Variants in ZFAT observed in about 807,000 individuals in gnomAD.
ZFAT encodes zinc finger and AT-hook domain containing.
ZFAT carries 64 observed loss-of-function variants against 117.7 expected under a neutral mutation model. The observed-to-expected ratio is 0.54, with a 90% CI of 0.44 to 0.67. ZFAT has a LOEUF of 0.67. Among genes scored for constraint, ZFAT ranks in the 30% least tolerant of loss-of-function variants. ZFAT has a pLI of 0.00. For missense variants in ZFAT, 1,433 were observed against 1,584.5 expected (o/e 0.90, Z 1.62); for synonymous variants, 679 against 615.0 (o/e 1.10, Z -1.54).
At chr8:134,700,900 T>C (rs1833992861) in intron 1 of ZFAT, among the ~76,000 whole-genome samples, 1 of 152,086 alleles carries the variant, frequency 6.6e-6, no homozygotes, top group African/African-American at 2.4e-5. Flanking sequence ...AGAGACAGGG[T>C]TGTGTCGCCA....
intron 2 of ZFAT, among the ~76,000 whole-genome samples, chr8:134,653,287 A>AAAAAT (rs1168663073): frequency 7.5e-4 from 87 of 116,214 alleles, no homozygotes; most frequent in Non-Finnish European, 9.4e-4. Flanking sequence ...AAAAAAAAAA[A>AAAAAT]AAAACAAAAA....
chr8:134,689,291 C>T (rs532190548), intron 1 of ZFAT, among the ~76,000 whole-genome samples: 35 of 152,352 alleles, frequency 2.3e-4, no homozygotes, highest in African/African-American at 7.5e-4. Context: ...ATAAATTTGG[C>T]CGCAAAGCAC....
intron 10 of ZFAT, among the ~76,000 whole-genome samples, chr8:134,582,029 T>C (rs1303374083): frequency 6.6e-6 from 1 of 152,176 alleles, no homozygotes; most frequent in Non-Finnish European, 1.5e-5. Flanking sequence ...TAGAAAATAC[T>C]TCATAATGTT....
Position 134,601,662 on chromosome 8 carries a change from G to A in ZFAT, c.2057C>T (p.Pro686Leu), listed in dbSNP as rs748045570. Residue 686 changes from proline to leucine, a missense_variant, in exon 6 of 16, where the codon CCT (proline) becomes CTT (leucine). Pro to Leu is a moderately conservative substitution (Grantham distance 98). Transcript: ENST00000377838. ...SNPAEASDLL[P>L]PVAGGGDTIT... Reference sequence around the variant, plus strand: ...GGTGTCCCCACCACCAGCTACTGGAGGGAGGAGGTCTGAGGCCTCAGCTGG... The same window carrying A: ...GGTGTCCCCACCACCAGCTACTGGAAGGAGGAGGTCTGAGGCCTCAGCTGG... The A allele has an allele frequency of 2.5e-6, 4 of 1,614,056 alleles. No homozygotes were observed. The highest frequency in any genetic ancestry group is 3.4e-6 in the Non-Finnish European group (4 of 1,180,034).
At chr8:134,654,512 A>G (rs1288765965) in intron 2 of ZFAT, among the ~76,000 whole-genome samples, 3 of 152,142 alleles carry the variant, frequency 2.0e-5, no homozygotes, top group Non-Finnish European at 4.4e-5. Flanking sequence ...CTGTTCGGCT[A>G]TAGAAGGAGC....
the ZFAT span, among the ~76,000 whole-genome samples, chr8:134,761,288 T>C: frequency 2.0e-5 from 3 of 151,864 alleles, no homozygotes; most frequent in South Asian, 2.1e-4. Context: ...GAGGGTATGA[T>C]GGGAGGGAAG....
At position 134,572,690 on chromosome 8, in the gene ZFAT, G is replaced by A. The variant is rs571223952; in HGVS notation, c.2888-7269C>T. 1.6e-4 allele frequency among the ~76,000 whole-genome samples: 24 copies of A among 152,142 alleles called. No individual in the cohort carries two copies. The South Asian group carries it at 4.8e-3, about 30-fold the overall frequency. ...TCTGTAAGCAGTCAAATGTCATTCTGAGCCACACCTTGTAAATAAGGACAA... is the reference window on the plus strand; with the variant it reads ...TCTGTAAGCAGTCAAATGTCATTCTAAGCCACACCTTGTAAATAAGGACAA... On this transcript the variant is annotated intron_variant, in intron 10 of 15. Coordinates refer to ENST00000377838, the MANE Select transcript of ZFAT (RefSeq NM_020863.4).
At chr8:134,497,214 T>C (rs757781334) in intron 15 of ZFAT, among the ~76,000 whole-genome samples, 4 of 152,194 alleles carry the variant, frequency 2.6e-5, no homozygotes, top group Admixed American at 1.3e-4. Flanking sequence ...TTCTGAGTTA[T>C]TGGAGGATTT....
At chr8:134,642,341 T>C (rs752071567) in intron 2 of ZFAT, among the ~76,000 whole-genome samples, 10 of 152,138 alleles carry the variant, frequency 6.6e-5, no homozygotes, top group Admixed American at 3.9e-4. Context: ...TGGGTTCAAA[T>C]CTCCCCTGAG....
the ZFAT span, chr8:134,767,008 G>A: frequency 6.6e-6 from 1 of 152,154 alleles, no homozygotes; most frequent in African/African-American, 2.4e-5. Context: ...CTATTCGGAT[G>A]GCTCTCCTCA....
At chr8:134,699,416 C>A (rs1002761025) in intron 1 of ZFAT, among the ~76,000 whole-genome samples, 1 of 152,186 alleles carries the variant, frequency 6.6e-6, no homozygotes, top group Admixed American at 6.5e-5. Flanking sequence ...TCTGGCTGCA[C>A]TCCTAGTGAG....
At chr8:134,827,527 G>T in the ZFAT span, among the ~76,000 whole-genome samples, 1 of 151,958 alleles carries the variant, frequency 6.6e-6, no homozygotes, top group Non-Finnish European at 1.5e-5. Flanking sequence ...CAGCACTTTG[G>T]GGGGCCCAGG....
At chr8:134,531,916 G>C (rs934750743) in intron 12 of ZFAT, among the ~76,000 whole-genome samples, 2 of 152,234 alleles carry the variant, frequency 1.3e-5, no homozygotes, top group Non-Finnish European at 2.9e-5. Context: ...AGCTGCAGCA[G>C]TCTACAATTC....
In ZFAT at chr8:134,478,489, T is replaced by C. The variant is rs199857189; in HGVS notation, c.3725A>G (p.Glu1242Gly). 5.7e-6 allele frequency: 9 copies of C among 1,566,840 alleles called. No homozygotes were observed. In the East Asian group the frequency reaches 2.2e-4, roughly 38 times the overall value. ...TCCGATGCCACATGTCCTCTAGAGT[T>C]CCTGGGCCGGCTGCTCCACAGCCTG... ...EEQAVEQPAQ[E>G]L The change falls in exon 16 of 16, where the codon GAA (glutamate) becomes GGA (glycine). Residue 1242 changes from glutamate (E) to glycine (G), a missense_variant. Glu to Gly is a moderately conservative substitution (Grantham distance 98). This residue lies in a region of ZFAT where 503 missense variants were observed against 543.4 expected (regional missense o/e 0.93). Transcript: ENST00000377838. This position sits in a 1 kb window ranked among gnomAD's most constrained non-coding sequence, Gnocchi z 5.2.
intron 15 of ZFAT, among the ~76,000 whole-genome samples, chr8:134,505,208 AT>A (rs1414288736): frequency 6.6e-6 from 1 of 152,190 alleles, no homozygotes; most frequent in Non-Finnish European, 1.5e-5. Flanking sequence ...TCTCGACCAT[AT>A]CATTCACCTG....
intron 10 of ZFAT, among the ~76,000 whole-genome samples, chr8:134,571,597 T>C (rs1824909102): frequency 6.6e-6 from 1 of 152,160 alleles, no homozygotes; most frequent in Non-Finnish European, 1.5e-5. Flanking sequence ...AAATAGGTCT[T>C]GACCAAACAG....
At chr8:134,789,644 T>C in the ZFAT span, among the ~76,000 whole-genome samples, 3 of 152,146 alleles carry the variant, frequency 2.0e-5, no homozygotes, top group Non-Finnish European at 4.4e-5. Context: ...AGAGAGTGGA[T>C]CATAAAGAAC....
In ZFAT at chr8:134,602,390, C is replaced by A; in HGVS notation, c.1329G>T (p.Lys443Asn). 1.9e-6 allele frequency: 3 copies of A among 1,613,870 alleles called. No homozygotes were observed. The highest frequency in any genetic ancestry group is 2.5e-6 in the Non-Finnish European group (3 of 1,180,040). The change falls in exon 6 of 16, where the codon AAG (lysine) becomes AAT (asparagine). Residue 443 changes from lysine (K) to asparagine (N), a missense_variant. This residue lies in a region of ZFAT where 73 missense variants were observed against 122.0 expected (regional missense o/e 0.60). Coordinates refer to ENST00000377838, the MANE Select transcript of ZFAT (RefSeq NM_020863.4). ...ACELCGHGATKYQALELHVRK... is the reference protein window; with the variant it reads ...ACELCGHGATNYQALELHVRK... ...TGACATGCAGTTCCAGCGCCTGGTACTTGGTGGCCCCATGGCCACAGAGCT... is the reference window on the plus strand; with the variant it reads ...TGACATGCAGTTCCAGCGCCTGGTAATTGGTGGCCCCATGGCCACAGAGCT...
At chr8:134,737,306 AT>A in the ZFAT span, among the ~76,000 whole-genome samples, 57 of 122,712 alleles carry the variant, frequency 4.6e-4, 3 homozygotes, top group Admixed American at 1.1e-3. Flanking sequence ...AAAAATAAAA[AT>A]AAAAAAATAA....
Sources: allele counts gnomAD v4.1 joint callset (sites outside exome capture counted in the v4.1 genomes callset), GRCh38; gene constraint gnomAD v4.1.1; regional missense constraint gnomAD v4.1.1; non-coding constraint Gnocchi (gnomAD v3.1); transcripts MANE v1.5; gene names NCBI Gene and HGNC (gene_info 2026-07-23, HGNC 2026-07-21).